The following IL1RAPL1 variants were observed in gnomAD, a reference collection of about 807,000 sequenced individuals.
IL1RAPL1 encodes the protein interleukin 1 receptor accessory protein like 1, also known as interleukin-1 receptor accessory protein-like 1.
In IL1RAPL1, 3 loss-of-function variants were observed where a neutral mutation model predicts 48.4. The observed-to-expected ratio is 0.06, with a 90% CI of 0.03 to 0.16. The LOEUF (loss-of-function observed/expected upper bound fraction) is 0.16. IL1RAPL1 is among the 10% of genes least tolerant of loss of function. The pLI is 1.00. For synonymous variants in IL1RAPL1, 185 were observed against 187.7 expected (o/e 0.99, Z 0.12); for missense variants, 349 against 530.6 (o/e 0.66, Z 3.36).
chrX:29,327,204 G>C (rs1438378866), intron 3 of IL1RAPL1, among the ~76,000 whole-genome samples: 1 of 110,327 alleles, frequency 9.1e-6, no homozygotes, highest in Non-Finnish European at 1.9e-5. Flanking sequence ...TGAAAACCAA[G>C]GTTTCCCTTC....
chrX:29,213,351 CTT>C (rs1387575027), intron 2 of IL1RAPL1, among the ~76,000 whole-genome samples: 3 of 112,527 alleles, frequency 2.7e-5, no homozygotes, highest in African/African-American at 9.7e-5. Flanking sequence ...GTTATGATCT[CTT>C]GTCTCAATTA....
chrX:29,800,715 T>G (rs1308748061), intron 6 of IL1RAPL1, among the ~76,000 whole-genome samples: 23 of 106,486 alleles, frequency 2.2e-4, no homozygotes, highest in African/African-American at 7.5e-4. Flanking sequence ...CCAGGCGCAG[T>G]GGCTCACGCC....
chrX:28,834,722 A>T (rs1921161410), intron 2 of IL1RAPL1, among the ~76,000 whole-genome samples: 1 of 111,481 alleles, frequency 9.0e-6, no homozygotes, highest in East Asian at 2.8e-4. Context: ...AAAGTAGGTA[A>T]ATTACCATAT....
chrX:28,899,458 C>T (rs1923019700), intron 2 of IL1RAPL1, among the ~76,000 whole-genome samples: 1 of 111,730 alleles, frequency 9.0e-6, no homozygotes. Flanking sequence ...CCTGGCCATT[C>T]CTGGGACATT....
chrX:29,705,957 C>A (rs894118509), intron 6 of IL1RAPL1, among the ~76,000 whole-genome samples: 2 of 112,453 alleles, frequency 1.8e-5, no homozygotes, highest in Non-Finnish European at 3.8e-5. Flanking sequence ...TTTACAAAAG[C>A]AAAAGATTTA....
chrX:28,923,698 T>C (rs2147338828), intron 2 of IL1RAPL1, among the ~76,000 whole-genome samples: 1 of 111,183 alleles, frequency 9.0e-6, no homozygotes, highest in Non-Finnish European at 1.9e-5. Flanking sequence ...GGCGGGTATA[T>C]GGGTGTTCAC....
At chrX:28,659,593 G>A (rs1934793235) in intron 1 of IL1RAPL1, 5 of 409,568 alleles carry the variant, frequency 1.2e-5, no homozygotes, top group African/African-American at 2.5e-5. Context: ...CGACGGTGGC[G>A]GTGGCGCGGC....
intron 5 of IL1RAPL1, among the ~76,000 whole-genome samples, chrX:29,619,094 A>G (rs898505995): frequency 2.7e-5 from 3 of 111,692 alleles, no homozygotes; most frequent in African/African-American, 6.5e-5. Context: ...GAATATTTAA[A>G]ATGTCATACA....
chrX:29,844,431 T>A (rs779679598), intron 6 of IL1RAPL1, among the ~76,000 whole-genome samples: 2 of 111,358 alleles, frequency 1.8e-5, no homozygotes, highest in South Asian at 3.8e-4. Flanking sequence ...ATATGTTGAA[T>A]AGTGGCCCCC....
chrX:29,099,216 A>C (rs1362314765), intron 2 of IL1RAPL1, among the ~76,000 whole-genome samples: 1 of 112,114 alleles, frequency 8.9e-6, no homozygotes, highest in Non-Finnish European at 1.9e-5. Flanking sequence ...CATTTAAAGA[A>C]GATTTTTAAT....
At chrX:29,601,260 A>G (rs1923708695) in intron 5 of IL1RAPL1, among the ~76,000 whole-genome samples, 1 of 112,507 alleles carries the variant, frequency 8.9e-6, no homozygotes. Context: ...ATTTCCAGTT[A>G]TAACATTTAG....
At chrX:29,374,866 C>G (rs892980098) in intron 3 of IL1RAPL1, among the ~76,000 whole-genome samples, 1 of 111,022 alleles carries the variant, frequency 9.0e-6, no homozygotes, top group Non-Finnish European at 1.9e-5. Context: ...AGAGGAAGCA[C>G]TCAAGATCAG....
chrX:28,667,015 A>G (rs1439476969), intron 1 of IL1RAPL1, among the ~76,000 whole-genome samples: 6 of 111,752 alleles, frequency 5.4e-5, no homozygotes, highest in Non-Finnish European at 1.1e-4. Context: ...GATATTTATT[A>G]CTTCTAATGA....
intron 6 of IL1RAPL1, among the ~76,000 whole-genome samples, chrX:29,718,301 C>T (rs1488757974): frequency 8.2e-5 from 9 of 110,416 alleles, no homozygotes; most frequent in East Asian, 5.7e-4. Context: ...TCATGTCCTT[C>T]GCAGGGACAT....
intron 1 of IL1RAPL1, among the ~76,000 whole-genome samples, chrX:28,625,839 A>G (rs1934336095): frequency 9.0e-6 from 1 of 110,928 alleles, no homozygotes; most frequent in Non-Finnish European, 1.9e-5. Context: ...ACTAAGTCAT[A>G]CTGCCAAGCT....
chrX:29,067,168 A>T (rs1927468841), intron 2 of IL1RAPL1, among the ~76,000 whole-genome samples: 2 of 111,642 alleles, frequency 1.8e-5, no homozygotes, highest in Non-Finnish European at 3.8e-5. Context: ...AGAGCTCATC[A>T]TACTGCTGTT....
At chrX:29,212,942 G>A (rs1214144390) in intron 2 of IL1RAPL1, among the ~76,000 whole-genome samples, 1 of 111,813 alleles carries the variant, frequency 8.9e-6, no homozygotes, top group African/African-American at 3.2e-5. Context: ...AAATGGACCC[G>A]TGCAGTTCAA....
intron 2 of IL1RAPL1, among the ~76,000 whole-genome samples, chrX:29,149,714 A>G (rs1929422347): frequency 8.9e-6 from 1 of 112,117 alleles, no homozygotes; most frequent in Non-Finnish European, 1.9e-5. Flanking sequence ...CTATCTTGAA[A>G]TGTAGTAAGC....
At chrX:29,508,770 G>C (rs1258197045) in intron 5 of IL1RAPL1, among the ~76,000 whole-genome samples, 2 of 111,587 alleles carry the variant, frequency 1.8e-5, no homozygotes, top group Non-Finnish European at 3.8e-5. Flanking sequence ...TGGAGGACTA[G>C]AGATTTTGAT....
Sources: gnomAD v4.1 joint callset for allele counts (sites outside exome capture counted in the v4.1 genomes callset) on GRCh38, gnomAD v4.1.1 for gene constraint, MANE v1.5 for transcripts, NCBI Gene and HGNC (gene_info 2026-07-23, HGNC 2026-07-21) for gene names.